WDR70: variants seen among roughly 807,000 people sequenced by gnomAD.
WDR70 encodes WD repeat-containing protein 70.
Under a neutral mutation model 88.6 loss-of-function variants are expected in WDR70, and 53 were observed. The ratio of observed to expected loss-of-function variants is 0.60; its 90% CI spans 0.48 to 0.75. The LOEUF is 0.75. WDR70 is among the 30% of genes least tolerant of loss of function. The pLI is 0.00. For synonymous variants in WDR70, 280 were observed against 270.0 expected, an observed-to-expected ratio of 1.04 and a Z score of -0.36; for missense variants, 610 against 823.2, an observed-to-expected ratio of 0.74 and a Z score of 3.17.
At chr5:37,464,149 T>C (rs1414568572) in intron 7 of WDR70, among the ~76,000 whole-genome samples, 1 of 152,316 alleles carries the variant, frequency 6.6e-6, no homozygotes, top group South Asian at 2.1e-4. Context: ...TAAAAATAAA[T>C]CATCAGAAGA....
chr5:37,540,847 C>T (rs1287044984), intron 9 of WDR70, among the ~76,000 whole-genome samples: 1 of 152,160 alleles, frequency 6.6e-6, no homozygotes, highest in Non-Finnish European at 1.5e-5. Flanking sequence ...ATGATTTTCT[C>T]ACTCTTTGTG....
chr5:37,480,937 C>T (rs559795517), intron 8 of WDR70, among the ~76,000 whole-genome samples: 4 of 152,328 alleles, frequency 2.6e-5, no homozygotes, highest in African/African-American at 9.6e-5. Context: ...TGGGTAAATA[C>T]ACTTTTTTCA....
intron 9 of WDR70, among the ~76,000 whole-genome samples, chr5:37,584,759 T>C (rs893807604): frequency 6.6e-6 from 1 of 151,850 alleles, no homozygotes; most frequent in Non-Finnish European, 1.5e-5. Context: ...CCAGAAGCCA[T>C]AGTGAGCCCT....
rs147388943 is a variant in WDR70 at position 37,705,108 on chromosome 5, A to G, written c.1416+2021A>G. ...AAAGACAGTGAATTCTGTTCTTGAT[A>G]TGTTGAGCTTGAAATACCTATAGGA... On this transcript the variant is annotated intron_variant, in intron 13 of 17. Transcript: ENST00000265107. Among the ~76,000 whole-genome samples the G allele has an allele frequency of 5.9e-5, 9 of 152,300 alleles. 1 individual carries two copies. The East Asian group carries it at 1.7e-3, about 29-fold the overall frequency.
chr5:37,658,923 G>A (rs1745627396), intron 10 of WDR70, among the ~76,000 whole-genome samples: 1 of 152,080 alleles, frequency 6.6e-6, no homozygotes, highest in Non-Finnish European at 1.5e-5. Flanking sequence ...CCTACTAGAA[G>A]ACCATTTAAT....
intron 7 of WDR70, among the ~76,000 whole-genome samples, chr5:37,473,019 T>A (rs2112137674): frequency 6.6e-6 from 1 of 152,122 alleles, no homozygotes; most frequent in East Asian, 1.9e-4. Context: ...AGAATTCTAA[T>A]TGCTCCACAT....
At chr5:37,593,304 C>T (rs1232400987) in intron 9 of WDR70, among the ~76,000 whole-genome samples, 1 of 152,160 alleles carries the variant, frequency 6.6e-6, no homozygotes, top group Non-Finnish European at 1.5e-5. Context: ...CTATCCCTCC[C>T]CCTGCTCCCC....
chr5:37,528,511 G>A (rs113560347), intron 9 of WDR70, among the ~76,000 whole-genome samples: 25,210 of 152,004 alleles, frequency 0.17, 2,210 homozygotes, highest in South Asian at 0.26. Context: ...GAGAGCATTA[G>A]GAGATATACC....
chr5:37,508,504 T>G (rs181365744), intron 8 of WDR70, among the ~76,000 whole-genome samples: 1 of 152,354 alleles, frequency 6.6e-6, no homozygotes, highest in African/African-American at 2.4e-5. Flanking sequence ...TTTCTGTCAC[T>G]GATTGGCTGA....
intron 8 of WDR70, among the ~76,000 whole-genome samples, chr5:37,491,635 G>C (rs1001935850): frequency 6.6e-6 from 1 of 152,060 alleles, no homozygotes. Flanking sequence ...TGAATAGTAC[G>C]TGTAGTCATT....
At chr5:37,641,211 G>A (rs1211531219) in intron 10 of WDR70, among the ~76,000 whole-genome samples, 1 of 152,072 alleles carries the variant, frequency 6.6e-6, no homozygotes, top group Non-Finnish European at 1.5e-5. Context: ...CCCCTTCTGG[G>A]TTCAAACGAT....
At chr5:37,579,089 C>A (rs1308237626) in intron 9 of WDR70, among the ~76,000 whole-genome samples, 1 of 152,152 alleles carries the variant, frequency 6.6e-6, no homozygotes. Context: ...AGGCATGTAA[C>A]CAGACTAATC....
At chr5:37,632,898 C>T (rs967050924) in intron 10 of WDR70, among the ~76,000 whole-genome samples, 6 of 152,178 alleles carry the variant, frequency 3.9e-5, no homozygotes, top group African/African-American at 7.2e-5. Flanking sequence ...AAGCACCATT[C>T]GTGGTAAGTG....
At chr5:37,637,198 C>T (rs1561932290) in intron 10 of WDR70, among the ~76,000 whole-genome samples, 2 of 151,854 alleles carry the variant, frequency 1.3e-5, no homozygotes, top group South Asian at 2.1e-4. Context: ...AAAAATTAGC[C>T]AGGCATGATG....
intron 9 of WDR70, among the ~76,000 whole-genome samples, chr5:37,553,873 G>GTGCGAGCA (rs1022537157): frequency 1.4e-4 from 21 of 152,144 alleles, no homozygotes; most frequent in African/African-American, 5.1e-4. Flanking sequence ...AAATGGGATT[G>GTGCGAGCA]TGCGAGCATT....
intron 9 of WDR70, among the ~76,000 whole-genome samples, chr5:37,569,428 T>A (rs1010486635): frequency 4.6e-5 from 7 of 152,206 alleles, no homozygotes; most frequent in African/African-American, 1.7e-4. Flanking sequence ...CAAGTGTTTG[T>A]TGAATTAAAT....
At chr5:37,495,756 A>T (rs548550854) in intron 8 of WDR70, among the ~76,000 whole-genome samples, 1 of 152,320 alleles carries the variant, frequency 6.6e-6, no homozygotes, top group Admixed American at 6.5e-5. Context: ...AAATTGTTCC[A>T]CTAATGTTAG....
rs776147147 is a variant in WDR70, at chr5:37,396,404, G to A, written c.326G>A (p.Ser109Asn). 1.2e-6 allele frequency: 2 copies of A among 1,613,510 alleles called. No homozygotes were observed. The highest frequency in any genetic ancestry group is 1.7e-6 in the Non-Finnish European group (2 of 1,179,812). The change falls in exon 5 of 18, where the codon AGT becomes AAT. Residue 109 changes from serine (S) to asparagine (N), a missense_variant. This residue lies in a region of WDR70 where 203 missense variants were observed against 228.1 expected (regional missense o/e 0.89). Transcript: ENST00000265107. ...RDTSSSESEQSSDSSDDELIG... is the reference protein window; with the variant it reads ...RDTSSSESEQNSDSSDDELIG... Reference sequence around the variant, plus strand: ...ACGAGCAGCAGTGAAAGTGAACAGAGTTCTGACTCTTCTGATGATGAGTTA... The same window carrying A: ...ACGAGCAGCAGTGAAAGTGAACAGAATTCTGACTCTTCTGATGATGAGTTA...
chr5:37,671,721 G>C (rs1293800126), intron 10 of WDR70, among the ~76,000 whole-genome samples: 2 of 152,162 alleles, frequency 1.3e-5, no homozygotes, highest in African/African-American at 4.8e-5. Context: ...GTAATAGGCA[G>C]ACATTGGTAT....
Sources: allele counts gnomAD v4.1 joint callset (sites outside exome capture counted in the v4.1 genomes callset), GRCh38; gene constraint gnomAD v4.1.1; regional missense constraint gnomAD v4.1.1; transcripts MANE v1.5; gene names NCBI Gene and HGNC (gene_info 2026-07-23, HGNC 2026-07-21).